Variants in ETV5 observed in about 807,000 individuals in gnomAD.
ETV5 encodes ETS variant transcription factor 5.
ETV5 carries 10 observed loss-of-function variants against 70.0 expected under a neutral mutation model. That is an observed-to-expected ratio of 0.14 (90% CI 0.09 to 0.24). The LOEUF is 0.24. Among genes scored for constraint, ETV5 ranks in the 10% least tolerant of loss-of-function variants. The pLI is 1.00. For synonymous variants in ETV5, 216 were observed against 242.2 expected (o/e 0.89, Z 1.01); for missense variants, 453 against 651.2 (o/e 0.70, Z 3.31).
chr3:186,075,894 G>A (rs1713772435), intron 7 of ETV5, among the ~76,000 whole-genome samples: 3 of 152,330 alleles, frequency 2.0e-5, no homozygotes, highest in South Asian at 4.1e-4. Context: ...ATTTTTCTTA[G>A]TGGAGCTTCT....
Position 186,057,248 on chromosome 3 carries a change from T to A in ETV5, c.1040-4A>T. ...GTAGGCTCCTGTTTGACTTTGCCTG[T>A]TTGGGACAAGGACACATCACACAAT... On this transcript the variant is annotated splice_polypyrimidine_tract_variant and splice_region_variant and intron_variant, in intron 10 of 12. Coordinates refer to ENST00000306376, the MANE Select transcript of ETV5 (RefSeq NM_004454.3). This position sits in a 1 kb window ranked among gnomAD's most constrained non-coding sequence, Gnocchi z 4.9. The A allele has an allele frequency of 6.2e-7, 1 of 1,614,110 alleles. No homozygotes were observed. Among genetic ancestry groups the A allele is most frequent in the African/African-American group, 1.3e-5 (1 of 75,036 alleles).
In ETV5 at chr3:186,054,115, G is replaced by A. The variant is rs765056216; in HGVS notation, c.1210-1984C>T. On this transcript the variant is annotated intron_variant, in intron 11 of 12. Transcript: ENST00000306376. This position sits in a 1 kb window ranked among gnomAD's most constrained non-coding sequence, Gnocchi z 4.4. ...GCCATAGTTACTGACTCATCCTCCC[G>A]GGCCAGAGCCCTGTGATTCTGTAGC... Among the ~76,000 whole-genome samples the A allele has an allele frequency of 2.0e-5, 3 of 152,210 alleles. No homozygotes were observed. Among genetic ancestry groups the A allele is most frequent in the Non-Finnish European group, 4.4e-5 (3 of 68,032 alleles).
intron 7 of ETV5, among the ~76,000 whole-genome samples, chr3:186,068,589 G>A (rs1260308012): frequency 6.6e-6 from 1 of 152,180 alleles, no homozygotes; most frequent in Non-Finnish European, 1.5e-5. Context: ...TCCCTGTTGG[G>A]TGTGCAGTGT....
chr3:186,098,243 C>T (rs1714360942), intron 5 of ETV5, among the ~76,000 whole-genome samples: 1 of 152,216 alleles, frequency 6.6e-6, no homozygotes, highest in African/African-American at 2.4e-5. Context: ...CCCCTCGGTT[C>T]AGAATCTGGC....
At chr3:186,080,988 A>T in intron 6 of ETV5, 58 bp downstream of exon 6, 2 of 1,543,848 alleles carry the variant, frequency 1.3e-6, no homozygotes, top group Non-Finnish European at 1.8e-6. Flanking sequence ...ATTCAGCTTG[A>T]TGGCTACTTC....
chr3:186,048,237 T>C lies in ETV5; in HGVS notation c.*402A>G. 3.9e-6 allele frequency: 1 copy of C among 255,524 alleles called. No homozygotes were observed. The highest frequency in any genetic ancestry group is 5.7e-5 in the East Asian group (1 of 17,432). 15.8% of individuals were successfully genotyped at this position (255,524 alleles called of 1,614,324 possible). A position where few individuals can be genotyped will look rare whatever the true frequency, so the allele number is the denominator to read the frequency against. ...GGGTTTGTGATTTTTCAACAAATTG[T>C]GCAAATCAGAGCCCTTCTATGTAAA... On this transcript the variant is annotated 3_prime_UTR_variant, in exon 13 of 13. Transcript: ENST00000306376.
intron 7 of ETV5, among the ~76,000 whole-genome samples, chr3:186,079,500 T>C (rs563028984): frequency 1.3e-5 from 2 of 152,328 alleles, no homozygotes; most frequent in Non-Finnish European, 1.5e-5. Flanking sequence ...GTCAGGAACC[T>C]GCCCTCAGTG....
At chr3:186,098,465 G>T (rs1714366812) in intron 5 of ETV5, among the ~76,000 whole-genome samples, 1 of 152,128 alleles carries the variant, frequency 6.6e-6, no homozygotes, top group African/African-American at 2.4e-5. Context: ...CTGCAGAGGA[G>T]GGGACAAGCT....
chr3:186,106,927 A>G, intron 1 of ETV5: 2 of 984,672 alleles, frequency 2.0e-6, no homozygotes, highest in Non-Finnish European at 2.4e-6. Flanking sequence ...AAAGGTGGAA[A>G]AACATTAATT....
intron 1 of ETV5, among the ~76,000 whole-genome samples, chr3:186,108,160 G>T (rs1335711737): frequency 1.2e-5 from 1 of 86,348 alleles, no homozygotes; most frequent in South Asian, 3.5e-4. Flanking sequence ...CCCCCTCGTC[G>T]ACCAGGAGTT....
chr3:186,071,418 T>C (rs1285355193), intron 7 of ETV5, among the ~76,000 whole-genome samples: 1 of 152,178 alleles, frequency 6.6e-6, no homozygotes, highest in East Asian at 1.9e-4. Context: ...AGTCAGAACA[T>C]CCTAGGCTGA....
chr3:186,073,036 G>C (rs949763184), intron 7 of ETV5, among the ~76,000 whole-genome samples: 6 of 152,174 alleles, frequency 3.9e-5, no homozygotes, highest in Non-Finnish European at 5.9e-5. Context: ...GGAGGCTAAG[G>C]CAGGAGAATC....
At chr3:186,061,876 T>G (rs1487368662) in intron 9 of ETV5, among the ~76,000 whole-genome samples, 1 of 152,208 alleles carries the variant, frequency 6.6e-6, no homozygotes, top group African/African-American at 2.4e-5. Context: ...TTCCTTTTGA[T>G]TCACATCTAA....
At chr3:186,091,366 G>C (rs567036377) in intron 5 of ETV5, among the ~76,000 whole-genome samples, 1 of 152,134 alleles carries the variant, frequency 6.6e-6, no homozygotes, top group Non-Finnish European at 1.5e-5. Flanking sequence ...CATATGTCTC[G>C]GCAAGAACCA....
chr3:186,069,254 C>T (rs756400710), intron 7 of ETV5, among the ~76,000 whole-genome samples: 1 of 152,232 alleles, frequency 6.6e-6, no homozygotes, highest in Non-Finnish European at 1.5e-5. Context: ...TCCCAGACAT[C>T]AAAAGCCTCA....
At position 186,058,815 on chromosome 3, in the gene ETV5, AC is replaced by A. The variant is rs562401627; in HGVS notation, c.971-1325del. Among the ~76,000 whole-genome samples the A allele has an allele frequency of 2.6e-5, 4 of 152,188 alleles. No homozygotes were observed. In the East Asian group the frequency reaches 7.7e-4, roughly 29 times the overall value. ...GATCATCTGAGGTCAGGAGTTCGAGACCAGCCTGGCCAACATGGTGAAACCA... is the reference window on the plus strand; with the variant it reads ...GATCATCTGAGGTCAGGAGTTCGAGACAGCCTGGCCAACATGGTGAAACCA... On this transcript the variant is annotated intron_variant, in intron 9 of 12. Transcript: ENST00000306376.
chr3:186,079,933 G>C lies in ETV5; in HGVS notation c.534C>G (p.Pro178=). 1.2e-6 allele frequency: 2 copies of C among 1,604,896 alleles called. No homozygotes were observed. The highest frequency in any genetic ancestry group is 1.7e-6 in the Non-Finnish European group (2 of 1,174,388). The change falls in exon 7 of 13, where the codon CCC becomes CCG. Residue 178 remains proline, a synonymous_variant. Coordinates refer to ENST00000306376, the MANE Select transcript of ETV5 (RefSeq NM_004454.3). ...PVQGVGPAPA[P]HSLPEPGPQQ... is the part of the protein sequence containing the mutation. ...GTGGTCCAGGCTCTGGAAGCGAATG[G>C]GGGGCGGGGGCGGGGCCCACACCTT...
Position 186,093,607 on chromosome 3 carries a change from C to T in ETV5, c.232+11698G>A, listed in dbSNP as rs985965680. 2.6e-5 allele frequency among the ~76,000 whole-genome samples: 4 copies of T among 152,184 alleles called. No homozygotes were observed. In the East Asian group the frequency reaches 7.7e-4, roughly 29 times the overall value. ...AAAACTAAATTCTGCCCATGGAAGT[C>T]GGCTTGGGAGGTTACTGTCTAACAT... On this transcript the variant is annotated intron_variant, in intron 5 of 12. Coordinates refer to ENST00000306376, the MANE Select transcript of ETV5 (RefSeq NM_004454.3).
rs552160841 is a variant in ETV5 at position 186,086,995 on chromosome 3, C to G, written c.233-5820G>C. Among the ~76,000 whole-genome samples, 3 of 151,736 alleles carry G rather than the reference C, an allele frequency of 2.0e-5. No individual in the cohort carries two copies. In the South Asian group the frequency reaches 6.3e-4, roughly 32 times the overall value. On this transcript the variant is annotated intron_variant, in intron 5 of 12. Coordinates refer to ENST00000306376, the MANE Select transcript of ETV5 (RefSeq NM_004454.3). ...CAAGAAAAAACAAAGAAAAAAGATG[C>G]CTACACTGAAAACCACAAAACACTA...
Sources: gnomAD v4.1 joint callset for allele counts (sites outside exome capture counted in the v4.1 genomes callset) on GRCh38, gnomAD v4.1.1 for gene constraint, Gnocchi (gnomAD v3.1) non-coding constraint, MANE v1.5 for transcripts, NCBI Gene and HGNC (gene_info 2026-07-23, HGNC 2026-07-21) for gene names.